The following TNS3 variants were observed in gnomAD, a reference collection of about 807,000 sequenced individuals.
TNS3 encodes tensin-3.
TNS3 carries 45 observed loss-of-function variants against 140.9 expected under a neutral mutation model. The ratio of observed to expected loss-of-function variants is 0.32; its 90% CI spans 0.25 to 0.41. TNS3 has a LOEUF of 0.41. Ranked by LOEUF, TNS3 falls within the 10% of genes least tolerant of loss-of-function variation. TNS3 has a pLI of 1.00. For synonymous variants in TNS3, 815 were observed against 788.4 expected (o/e 1.03, Z -0.56); for missense variants, 1,716 against 1,906.7 (o/e 0.90, Z 1.86).
intron 20 of TNS3, among the ~76,000 whole-genome samples, chr7:47,340,801 T>G (rs145303597): frequency 7.9e-5 from 12 of 152,244 alleles, no homozygotes; most frequent in African/African-American, 2.6e-4. Flanking sequence ...ATCTGTTGTC[T>G]TAATTTCCTT....
At chr7:47,578,633 T>C (rs1800731674) in intron 1 of TNS3, among the ~76,000 whole-genome samples, 1 of 152,036 alleles carries the variant, frequency 6.6e-6, no homozygotes, top group Non-Finnish European at 1.5e-5. Flanking sequence ...GGACAGGAGA[T>C]GCCGCCATGC....
rs566941947 is a variant in TNS3 at position 47,534,387 on chromosome 7, C to T, written c.-264-5240G>A. On this transcript the variant is annotated intron_variant, in intron 1 of 30. Transcript: ENST00000311160. The stretch of plus-strand genomic sequence containing the variant: ...CTCTGTGGCCCAGGACAAGTCACAA[C>T]CTCTCTTAAATAGAAAAGATATCCT... Among the ~76,000 whole-genome samples the T allele has an allele frequency of 7.2e-5, 11 of 152,242 alleles. No homozygotes were observed. The South Asian group carries it at 2.3e-3, about 32-fold the overall frequency.
At chr7:47,508,102 C>A (rs1798484730) in intron 2 of TNS3, among the ~76,000 whole-genome samples, 2 of 152,180 alleles carry the variant, frequency 1.3e-5, no homozygotes, top group South Asian at 4.2e-4. Context: ...TGTCAACACC[C>A]CGTGAATTTA....
rs71003398 is a variant in TNS3, at chr7:47,413,251, C to CTTTT, written c.647+682_647+685dup. ...ACAGGTGTGAGCCACCAAGCCTGGC[C>CTTTT]TTTTTTTTTTTTTTTTTTTTTTTTG... On this transcript the variant is annotated intron_variant, in intron 12 of 30. Transcript: ENST00000311160. 9.4e-4 allele frequency among the ~76,000 whole-genome samples: 50 copies of CTTTT among 52,948 alleles called. 3 individuals carry two copies. The highest frequency in any genetic ancestry group is 1.6e-3 in the African/African-American group (21 of 13,280). The allele number at this position is 52,948 out of a possible 152,430, so 34.7% of individuals were successfully genotyped here.
chr7:47,332,268 G>A (rs966355775), intron 20 of TNS3, among the ~76,000 whole-genome samples: 1 of 152,264 alleles, frequency 6.6e-6, no homozygotes, highest in Non-Finnish European at 1.5e-5. Flanking sequence ...GGATTACAAG[G>A]TGAGGGCCTT....
intron 17 of TNS3, among the ~76,000 whole-genome samples, chr7:47,348,711 G>A (rs1789492347): frequency 6.6e-6 from 1 of 152,210 alleles, no homozygotes; most frequent in Non-Finnish European, 1.5e-5. Flanking sequence ...GTGTGGTCAA[G>A]TGTTCTCTTT....
In TNS3 at chr7:47,337,129, C is replaced by T. The variant is rs1788679038; in HGVS notation, c.2650+7626G>A. Among the ~76,000 whole-genome samples, 5 of 152,348 alleles carry T rather than the reference C, an allele frequency of 3.3e-5. No homozygotes were observed. In the South Asian group the frequency reaches 1.0e-3, roughly 32 times the overall value. On this transcript the variant is annotated intron_variant, in intron 20 of 30. Coordinates refer to ENST00000311160, the MANE Select transcript of TNS3 (RefSeq NM_022748.12). ...GTTAGGCCAGTTTAGCAAGAACCCC[C>T]CTACCCTTGATGTCCCTTCTTAATG... is the stretch of plus-strand genomic sequence containing the variant.
rs942887796 is a variant in TNS3 at position 47,407,161 on chromosome 7, C to T, written c.723+4566G>A. Among the ~76,000 whole-genome samples the T allele has an allele frequency of 2.6e-5, 4 of 152,144 alleles. No individual in the cohort carries two copies. Among genetic ancestry groups the T allele is most frequent in the Admixed American group, 6.5e-5 (1 of 15,278 alleles). On this transcript the variant is annotated intron_variant, in intron 13 of 30. Transcript: ENST00000311160. This position sits in a 1 kb window ranked among gnomAD's most constrained non-coding sequence, Gnocchi z 4.1. ...AGTCAACAGCACTGAGATTTCTGGG[C>T]TTTGGCAAAAGATGCACTCCCGACT...
At chr7:47,283,975 G>A (rs1387129405) in intron 27 of TNS3, 110 bp from the exon 28 acceptor site, 32 of 1,062,702 alleles carry the variant, frequency 3.0e-5, no homozygotes, top group South Asian at 3.8e-5. Context: ...AACAACTTGC[G>A]CATGTGGCCT....
At chr7:47,436,632 A>G (rs370218045) in intron 7 of TNS3, among the ~76,000 whole-genome samples, 18 of 152,324 alleles carry the variant, frequency 1.2e-4, no homozygotes, top group East Asian at 5.8e-4. Flanking sequence ...TAAAAAATGA[A>G]AATTATCATG....
chr7:47,448,583 G>A (rs759903360), intron 4 of TNS3, among the ~76,000 whole-genome samples: 1 of 150,164 alleles, frequency 6.7e-6, no homozygotes, highest in African/African-American at 2.5e-5. Context: ...GGGTTCAAGC[G>A]ATTGTCCTGC....
chr7:47,458,669 C>A (rs1248747963), intron 4 of TNS3, among the ~76,000 whole-genome samples: 1 of 152,198 alleles, frequency 6.6e-6, no homozygotes, highest in Admixed American at 6.5e-5. Flanking sequence ...CAAGCAGTCC[C>A]CCCATCCCTT....
At chr7:47,546,922 C>T (rs57896311) in intron 1 of TNS3, among the ~76,000 whole-genome samples, 5,631 of 152,326 alleles carry the variant, frequency 0.037, 354 homozygotes, top group African/African-American at 0.13. Flanking sequence ...CAAAGACAGA[C>T]GCCAGGTTTT....
At chr7:47,521,946 AC>A (rs1798993771) in intron 2 of TNS3, among the ~76,000 whole-genome samples, 1 of 152,120 alleles carries the variant, frequency 6.6e-6, no homozygotes, top group South Asian at 2.1e-4. Context: ...AAAGGGCCAG[AC>A]CCAGGGAAGC....
At chr7:47,492,893 G>C (rs1327179948) in intron 3 of TNS3, among the ~76,000 whole-genome samples, 1 of 152,234 alleles carries the variant, frequency 6.6e-6, no homozygotes, top group East Asian at 1.9e-4. Context: ...CTGCCTGTGA[G>C]AGCCAAGGCC....
chr7:47,295,409 G>A (rs1785951966), intron 24 of TNS3, among the ~76,000 whole-genome samples: 1 of 152,172 alleles, frequency 6.6e-6, no homozygotes, highest in Admixed American at 6.5e-5. Flanking sequence ...CTCGCCAGAT[G>A]CTCTTGGTCC....
chr7:47,412,424 G>C (rs1793824517), intron 12 of TNS3, among the ~76,000 whole-genome samples: 2 of 152,092 alleles, frequency 1.3e-5, no homozygotes, highest in African/African-American at 4.8e-5. Flanking sequence ...TTTGAGACCA[G>C]CCTGGCTAAC....
rs376038830 is a variant in TNS3 at position 47,305,676 on chromosome 7, T to C, written c.2651-673A>G. ...GGGCCAGAACGCAAACCTGCTTGTG[T>C]CCCATGCCTGAGCCCAGGCACATTC... On this transcript the variant is annotated intron_variant, in intron 20 of 30. Transcript: ENST00000311160. 1.5e-4 allele frequency among the ~76,000 whole-genome samples: 23 copies of C among 152,380 alleles called. No homozygotes were observed. In the East Asian group the frequency reaches 2.7e-3, roughly 18 times the overall value.
chr7:47,400,885 C>G lies in TNS3; in HGVS notation c.753G>C (p.Ser251=). 6.2e-7 allele frequency: 1 copy of G among 1,614,196 alleles called. No homozygotes were observed. The highest frequency in any genetic ancestry group is 1.3e-5 in the African/African-American group (1 of 75,056). ...GGCGGAAAATGACGTCACGGGTGGC[C>G]GAGCGGTATTTCTTGTGGTAGCATT... ...MVKCYHKKYR[S]ATRDVIFRLQ... is the part of the protein sequence containing the mutation. Residue 251 remains serine (S), a synonymous_variant, in exon 14 of 31, where the codon TCG becomes TCC. Transcript: ENST00000311160.
Sources: allele counts gnomAD v4.1 joint callset (sites outside exome capture counted in the v4.1 genomes callset), GRCh38; gene constraint gnomAD v4.1.1; non-coding constraint Gnocchi (gnomAD v3.1); transcripts MANE v1.5; gene names NCBI Gene and HGNC (gene_info 2026-07-23, HGNC 2026-07-21).